CRIPTO3: variants seen among roughly 807,000 people sequenced by gnomAD.
The protein encoded by CRIPTO3 is protein CRIPTO3.
At chrX:110,521,636 T>C in the CRIPTO3 span, 5 of 1,210,626 alleles carry the variant, frequency 4.1e-6, no homozygotes, top group African/African-American at 8.7e-5. Flanking sequence ...TACCACCGTC[T>C]GCACGTACTA....
At chrX:110,521,026 G>T in the CRIPTO3 span, 2 of 731,681 alleles carry the variant, frequency 2.7e-6, no homozygotes, top group East Asian at 6.3e-5. Flanking sequence ...TTCTTAAATT[G>T]CCATTTTCGC....
chrX:110,522,340 A>G, the CRIPTO3 span: 6 of 114,941 alleles, frequency 5.2e-5, no homozygotes, highest in African/African-American at 1.9e-4. Context: ...TCAGATTATT[A>G]AAGACTAATT....
At chrX:110,521,418 T>C in the CRIPTO3 span, 1 of 1,211,590 alleles carries the variant, frequency 8.3e-7, no homozygotes, top group East Asian at 3.0e-5. Context: ...CTTTTGTGCC[T>C]GCCCTCCCTC....
At chrX:110,522,913 A>T in the CRIPTO3 span, 1 of 108,742 alleles carries the variant, frequency 9.2e-6, no homozygotes, top group Admixed American at 9.8e-5. Flanking sequence ...TGACCTAAAA[A>T]AAAAAAAAAA....
At chrX:110,521,776 T>C in the CRIPTO3 span, 2 of 799,790 alleles carry the variant, frequency 2.5e-6, no homozygotes, top group Admixed American at 2.2e-5. Context: ...TGCTACAATG[T>C]CCTAACTGAA....
At chrX:110,521,436 G>C in the CRIPTO3 span, 3 of 1,210,043 alleles carry the variant, frequency 2.5e-6, no homozygotes, top group African/African-American at 5.2e-5. Context: ...CTCCTTCTAC[G>C]GACGGAACTG....
At chrX:110,521,120 G>T in the CRIPTO3 span, 1 of 1,145,399 alleles carries the variant, frequency 8.7e-7, no homozygotes. Context: ...CCCCCTAATT[G>T]TTAAAAGCTA....
At chrX:110,521,402 G>A in the CRIPTO3 span, 5 of 1,211,785 alleles carry the variant, frequency 4.1e-6, no homozygotes, top group Admixed American at 1.1e-4. Context: ...CCTGCATGCT[G>A]GAGTCCTTTT....
chrX:110,522,735 T>C, the CRIPTO3 span: 1 of 111,409 alleles, frequency 9.0e-6, no homozygotes, highest in African/African-American at 3.3e-5. Flanking sequence ...CAAGATTGCT[T>C]AATAAATTGT....
chrX:110,521,219 G>C, the CRIPTO3 span: 1 of 1,150,435 alleles, frequency 8.7e-7, no homozygotes, highest in Non-Finnish European at 1.2e-6. Flanking sequence ...TAGTTGCCGG[G>C]CTGGGCCATC....
the CRIPTO3 span, chrX:110,521,029 A>G: frequency 1.3e-6 from 1 of 760,916 alleles, no homozygotes; most frequent in East Asian, 3.2e-5. Context: ...TTAAATTGCC[A>G]TTTTCGCTTT....
chrX:110,521,665 G>A, the CRIPTO3 span: 6 of 1,207,538 alleles, frequency 5.0e-6, no homozygotes, highest in African/African-American at 5.2e-5. Flanking sequence ...ATGCTAGCTG[G>A]CATCTGCCTT....
At chrX:110,521,093 A>G in the CRIPTO3 span, 2 of 1,123,337 alleles carry the variant, frequency 1.8e-6, no homozygotes, top group East Asian at 6.0e-5. Flanking sequence ...AATTAAAGCG[A>G]TGCTAACGCC....
At chrX:110,521,405 G>A in the CRIPTO3 span, 1 of 1,211,733 alleles carries the variant, frequency 8.3e-7, no homozygotes, top group Non-Finnish European at 1.1e-6. Flanking sequence ...GCATGCTGGA[G>A]TCCTTTTGTG....
the CRIPTO3 span, chrX:110,522,760 A>G: frequency 9.0e-6 from 1 of 111,621 alleles, no homozygotes. Context: ...CCTCCAAGCT[A>G]TTCAATTCTT....
At chrX:110,521,500 T>G in the CRIPTO3 span, 1 of 1,211,294 alleles carries the variant, frequency 8.3e-7, no homozygotes, top group Non-Finnish European at 1.1e-6. Flanking sequence ...GACACCTGGC[T>G]GCCCAAGAAG....
chrX:110,521,395 G>T, the CRIPTO3 span: 1 of 1,211,782 alleles, frequency 8.3e-7, no homozygotes, highest in Non-Finnish European at 1.1e-6. Context: ...GGGGGAACCT[G>T]CATGCTGGAG....
chrX:110,521,593 A>T, the CRIPTO3 span: 21 of 1,211,992 alleles, frequency 1.7e-5, no homozygotes, highest in South Asian at 3.5e-4. Context: ...CTTGTGATGG[A>T]TGAGCACCTC....
chrX:110,521,943 T>C, the CRIPTO3 span: 1 of 441,356 alleles, frequency 2.3e-6, no homozygotes, highest in South Asian at 3.5e-5. Flanking sequence ...ATCTCCATTG[T>C]GCCCAAGTCC....
Sources: allele counts gnomAD v4.1 joint callset, GRCh38; gene constraint gnomAD v4.1.1; transcripts MANE v1.5; gene names NCBI Gene and HGNC (gene_info 2026-07-23, HGNC 2026-07-21).